The following SH3GLB1 variants were observed in gnomAD, a reference collection of about 807,000 sequenced individuals.
SH3GLB1 encodes the protein endophilin-B1.
SH3GLB1 carries 17 observed loss-of-function variants against 42.0 expected under a neutral mutation model. That is an observed-to-expected ratio of 0.40 (90% CI 0.28 to 0.61). The LOEUF is 0.61. Ranked by LOEUF, SH3GLB1 falls within the 20% of genes least tolerant of loss-of-function variation. SH3GLB1 has a pLI of 0.36. For synonymous variants in SH3GLB1, 132 were observed against 146.6 expected (o/e 0.90, Z 0.72); for missense variants, 355 against 426.3 (o/e 0.83, Z 1.47).
chr1:86,714,275 C>T (rs1043518816), intron 1 of SH3GLB1, among the ~76,000 whole-genome samples: 8 of 152,124 alleles, frequency 5.3e-5, no homozygotes, highest in South Asian at 4.1e-4. Flanking sequence ...GTAAAGACTA[C>T]GGGGTTCTCT....
At position 86,735,091 on chromosome 1, in the gene SH3GLB1, C is replaced by T. The variant is rs954237126; in HGVS notation, c.673C>T (p.Arg225Cys). The T allele has an allele frequency of 1.1e-5, 18 of 1,612,452 alleles. No homozygotes were observed. Among genetic ancestry groups the T allele is most frequent in the Non-Finnish European group, 1.4e-5 (16 of 1,178,788 alleles). Reference sequence around the variant, plus strand: ...TTTTCCTTCACAGGCCCATCACCTTCGCTGTCTGAATGACTTTGTAGAAGC... The same window carrying T: ...TTTTCCTTCACAGGCCCATCACCTTTGCTGTCTGAATGACTTTGTAGAAGC... ...GISSTHAHHL[R>C]CLNDFVEAQM... The change falls in exon 7 of 9, where the codon CGC becomes TGC. Residue 225 changes from arginine (R) to cysteine (C), a missense_variant. Coordinates refer to ENST00000370558, the MANE Select transcript of SH3GLB1 (RefSeq NM_016009.5).
chr1:86,707,200 G>A (rs1653918786), intron 1 of SH3GLB1, among the ~76,000 whole-genome samples: 2 of 152,206 alleles, frequency 1.3e-5, no homozygotes, highest in Non-Finnish European at 2.9e-5. Context: ...TCTAACATTA[G>A]TATCGTGTAT....
chr1:86,728,412 T>A (rs1406477908), intron 5 of SH3GLB1: 1 of 1,557,048 alleles, frequency 6.4e-7, no homozygotes, highest in Non-Finnish European at 8.7e-7. Context: ...GCAACTAAAC[T>A]CAGCTCGCCT....
At chr1:86,739,488 C>G (rs759745101) in intron 7 of SH3GLB1, among the ~76,000 whole-genome samples, 6 of 152,032 alleles carry the variant, frequency 3.9e-5, no homozygotes, top group Admixed American at 2.6e-4. Flanking sequence ...CTAACCTTGA[C>G]GAGTAGTTTT....
chr1:86,722,859 A>G (rs1654945092), intron 4 of SH3GLB1, among the ~76,000 whole-genome samples, 186 bp downstream of exon 4: 1 of 152,150 alleles, frequency 6.6e-6, no homozygotes, highest in Admixed American at 6.5e-5. Flanking sequence ...CATTTACTCC[A>G]TTTGTGTGTC....
Position 86,704,877 on chromosome 1 carries a change from G to A in SH3GLB1, c.-23G>A, listed in dbSNP as rs1243033352. On this transcript the variant is annotated 5_prime_UTR_variant, in exon 1 of 9. Coordinates refer to ENST00000370558, the MANE Select transcript of SH3GLB1 (RefSeq NM_016009.5). ...CGCCTCGCCGCCGCTAGGTCGGCCG[G>A]CTCCGCCCGGCTGCCGCCTAGGATG... 3 of 1,542,182 alleles carry A rather than the reference G, an allele frequency of 1.9e-6. No homozygotes were observed. In the African/African-American group the frequency reaches 4.3e-5, roughly 22 times the overall value.
intron 1 of SH3GLB1, among the ~76,000 whole-genome samples, chr1:86,708,420 A>G (rs780126060): frequency 6.6e-6 from 1 of 152,230 alleles, no homozygotes; most frequent in Non-Finnish European, 1.5e-5. Flanking sequence ...TGGTTGGCCA[A>G]CGCCATACAT....
chr1:86,715,594 T>G, intron 1 of SH3GLB1, 130 bp from the exon 2 acceptor site: 8 of 959,422 alleles, frequency 8.3e-6, no homozygotes, highest in Non-Finnish European at 1.2e-5. Context: ...AAGCAATGGC[T>G]TACAAAGCTG....
chr1:86,708,072 A>G (rs1453423748), intron 1 of SH3GLB1, among the ~76,000 whole-genome samples: 1 of 152,180 alleles, frequency 6.6e-6, no homozygotes, highest in Non-Finnish European at 1.5e-5. Context: ...ATACTTTTGT[A>G]TGTTTGACAT....
At chr1:86,734,771 T>A in intron 6 of SH3GLB1, 80 bp downstream of exon 6, 2 of 910,388 alleles carry the variant, frequency 2.2e-6, no homozygotes, top group Non-Finnish European at 3.5e-6. Flanking sequence ...AAAACTGAAC[T>A]TTTCAGTCAT....
intron 5 of SH3GLB1, among the ~76,000 whole-genome samples, chr1:86,727,472 G>T (rs565624618): frequency 1.3e-5 from 2 of 152,052 alleles, no homozygotes; most frequent in Non-Finnish European, 2.9e-5. Flanking sequence ...TTTAAAATAT[G>T]AAGTTCTTTG....
At chr1:86,708,552 C>T (rs1654010228) in intron 1 of SH3GLB1, among the ~76,000 whole-genome samples, 1 of 152,172 alleles carries the variant, frequency 6.6e-6, no homozygotes, top group African/African-American at 2.4e-5. Flanking sequence ...CACTTCCCTC[C>T]TTTTAAAATT....
intron 5 of SH3GLB1, among the ~76,000 whole-genome samples, chr1:86,733,119 T>C (rs1655597652): frequency 6.6e-6 from 1 of 152,184 alleles, no homozygotes; most frequent in South Asian, 2.1e-4. Flanking sequence ...TTTTTTCTAC[T>C]TCATACCAGC....
chr1:86,732,733 T>G (rs1157898747), intron 5 of SH3GLB1, among the ~76,000 whole-genome samples: 1 of 152,194 alleles, frequency 6.6e-6, no homozygotes, highest in Non-Finnish European at 1.5e-5. Context: ...CATTTGATAT[T>G]TTTTATTCAG....
Position 86,747,387 on chromosome 1 carries a change from T to G in SH3GLB1, c.*4152T>G, listed in dbSNP as rs980831015. 5.9e-5 allele frequency: 9 copies of G among 152,406 alleles called. No individual in the cohort carries two copies. Among genetic ancestry groups the G allele is most frequent in the Non-Finnish European group, 7.3e-5 (5 of 68,042 alleles). 9.4% of individuals were successfully genotyped at this position (152,406 alleles called of 1,614,324 possible). A position where few individuals can be genotyped will look rare whatever the true frequency, so the allele number is the denominator to read the frequency against. ...TGTAAAAGCTGTTTGAGTAATACTG[T>G]TGCACTCTAAGCTTGAGAACCACTG... On this transcript the variant is annotated 3_prime_UTR_variant, in exon 9 of 9. Transcript: ENST00000370558.
intron 5 of SH3GLB1, among the ~76,000 whole-genome samples, chr1:86,724,914 A>T (rs111742539): frequency 0.055 from 6,437 of 116,770 alleles, 401 homozygotes; most frequent in African/African-American, 0.14. Context: ...TATATATATA[A>T]AATATATAAT....
In SH3GLB1 at chr1:86,742,354, AGTGTAGTG is replaced by A; in HGVS notation, c.910_917del (p.Cys304GlnfsTer9). On this transcript the variant is annotated frameshift_variant, in exon 8 of 9. Transcript: ENST00000370558. LOFTEE classifies it high-confidence loss of function. ...CCTTCCAACCTCAGTGACCTTAAGG[AGTGTAGTG>A]GCAGCAGAAAGGCCAGGGTTCTCTA... 6.2e-7 allele frequency: 1 copy of A among 1,614,048 alleles called. No individual in the cohort carries two copies. Among genetic ancestry groups the A allele is most frequent in the Admixed American group, 1.7e-5 (1 of 59,996 alleles).
In SH3GLB1 at chr1:86,744,511, C is replaced by G. The variant is rs1168430464; in HGVS notation, c.*1276C>G. 6.6e-6 allele frequency: 1 copy of G among 152,168 alleles called. No homozygotes were observed. The highest frequency in any genetic ancestry group is 2.4e-5 in the African/African-American group (1 of 41,430). The allele number at this position is 152,168 out of a possible 1,614,324, so 9.4% of individuals were successfully genotyped here. On this transcript the variant is annotated 3_prime_UTR_variant, in exon 9 of 9. Transcript: ENST00000370558. ...GGTACTGTATTTGGGAGTCATGTAA[C>G]TCCAGTTTTGGGAGTGAGAGAGGGT...
rs773130665 is a variant in SH3GLB1, at chr1:86,743,287, T to C, written c.*52T>C. 3.2e-6 allele frequency: 4 copies of C among 1,244,506 alleles called. 1 individual carries two copies. Among genetic ancestry groups the C allele is most frequent in the South Asian group, 3.0e-5 (2 of 67,700 alleles). 77.1% of individuals were successfully genotyped at this position (1,244,506 alleles called of 1,614,324 possible). On this transcript the variant is annotated 3_prime_UTR_variant, in exon 9 of 9. Coordinates refer to ENST00000370558, the MANE Select transcript of SH3GLB1 (RefSeq NM_016009.5). ...ATCATGACTTTGTATTTATATACAA[T>C]TAACTCTAAATAAAGCAGGTTAAGT...
Sources: gnomAD v4.1 joint callset for allele counts (sites outside exome capture counted in the v4.1 genomes callset) on GRCh38, gnomAD v4.1.1 for gene constraint, MANE v1.5 for transcripts, NCBI Gene and HGNC (gene_info 2026-07-23, HGNC 2026-07-21) for gene names.